NEO1: variants seen among roughly 807,000 people sequenced by gnomAD.
NEO1 encodes neogenin.
Under a neutral mutation model 159.7 loss-of-function variants are expected in NEO1, and 63 were observed. That is an observed-to-expected ratio of 0.39 (90% CI 0.32 to 0.49). The LOEUF is 0.49. NEO1 is among the 20% of genes least tolerant of loss of function. NEO1 has a pLI of 0.85. For missense variants in NEO1, 1,615 were observed against 1,831.0 expected, an observed-to-expected ratio of 0.88 and a Z score of 2.15; for synonymous variants, 633 against 662.0, an observed-to-expected ratio of 0.96 and a Z score of 0.67.
At chr15:73,209,958 G>A (rs1024754780) in intron 7 of NEO1, among the ~76,000 whole-genome samples, 3 of 152,004 alleles carry the variant, frequency 2.0e-5, no homozygotes, top group South Asian at 2.1e-4. Flanking sequence ...AGCCGAGATC[G>A]CACCATTGCA....
At chr15:73,235,258 C>T (rs1028862249) in intron 7 of NEO1, among the ~76,000 whole-genome samples, 1 of 152,196 alleles carries the variant, frequency 6.6e-6, no homozygotes, top group African/African-American at 2.4e-5. Flanking sequence ...CTCTACATCT[C>T]TCCTACTAAT....
chr15:73,115,114 C>T (rs1286487658), intron 1 of NEO1, among the ~76,000 whole-genome samples: 2 of 151,936 alleles, frequency 1.3e-5, no homozygotes, highest in East Asian at 1.9e-4. Context: ...GTAATCTCGG[C>T]TCACTGCAAC....
chr15:73,267,381 T>A (rs1202822278), intron 16 of NEO1, among the ~76,000 whole-genome samples: 1 of 152,234 alleles, frequency 6.6e-6, no homozygotes, highest in Non-Finnish European at 1.5e-5. Context: ...GTTAGAGTTA[T>A]AAATTTTTTT....
At chr15:73,298,293 CTG>C in intron 26 of NEO1, 53 bp from the exon 27 acceptor site, 2 of 1,602,274 alleles carry the variant, frequency 1.2e-6, no homozygotes, top group South Asian at 2.2e-5. Flanking sequence ...AACTGTGGGA[CTG>C]TCACATATTT....
At chr15:73,253,541 C>A in intron 12 of NEO1, 92 bp downstream of exon 12, 4 of 812,392 alleles carry the variant, frequency 4.9e-6, no homozygotes, top group Non-Finnish European at 5.7e-6. Flanking sequence ...AGGAAAGCAT[C>A]AAAATAAATG....
chr15:73,133,690 T>C (rs1386705578), intron 4 of NEO1, among the ~76,000 whole-genome samples: 1 of 152,210 alleles, frequency 6.6e-6, no homozygotes, highest in Non-Finnish European at 1.5e-5. Context: ...ATTGGCTGTA[T>C]ATATTTTTTC....
At chr15:73,295,832 T>C (rs559405515) in intron 26 of NEO1, among the ~76,000 whole-genome samples, 2 of 152,340 alleles carry the variant, frequency 1.3e-5, no homozygotes, top group South Asian at 4.1e-4. Flanking sequence ...TCACCACCAC[T>C]TGACATTGGA....
At chr15:73,172,400 T>C in intron 5 of NEO1, among the ~76,000 whole-genome samples, 1 of 152,232 alleles carries the variant, frequency 6.6e-6, no homozygotes, top group East Asian at 1.9e-4. Context: ...AAAGCGCTTA[T>C]GAATGTTAGC....
intron 9 of NEO1, among the ~76,000 whole-genome samples, chr15:73,246,830 T>C (rs1189627321): frequency 1.3e-5 from 2 of 152,178 alleles, no homozygotes; most frequent in Non-Finnish European, 2.9e-5. Context: ...ATCAGATTGT[T>C]GAGAACCACT....
chr15:73,187,551 A>C (rs1246042877), intron 7 of NEO1, among the ~76,000 whole-genome samples: 1 of 152,226 alleles, frequency 6.6e-6, no homozygotes, highest in East Asian at 1.9e-4. Context: ...GCCAAAGAAT[A>C]GATACTTCAG....
chr15:73,228,740 CTA>C (rs1434192258), intron 7 of NEO1, among the ~76,000 whole-genome samples: 2 of 151,978 alleles, frequency 1.3e-5, no homozygotes, highest in African/African-American at 2.4e-5. Flanking sequence ...TAGATTAAGA[CTA>C]TGAGATATTT....
At chr15:73,140,694 C>G (rs995919937) in intron 5 of NEO1, among the ~76,000 whole-genome samples, 1 of 152,108 alleles carries the variant, frequency 6.6e-6, no homozygotes, top group African/African-American at 2.4e-5. Context: ...GGGAATAATT[C>G]AAATCTCCAT....
At chr15:73,143,085 G>A (rs1313215086) in intron 5 of NEO1, among the ~76,000 whole-genome samples, 2 of 152,200 alleles carry the variant, frequency 1.3e-5, no homozygotes, top group Admixed American at 6.5e-5. Flanking sequence ...GTGACAGAAC[G>A]CATTCAGTCA....
At chr15:73,095,472 G>T (rs945127938) in intron 1 of NEO1, among the ~76,000 whole-genome samples, 1 of 152,060 alleles carries the variant, frequency 6.6e-6, no homozygotes, top group Admixed American at 6.6e-5. Flanking sequence ...ATTAGGAGTT[G>T]CAAAATAGTG....
chr15:73,197,339 A>G (rs748971657), intron 7 of NEO1, among the ~76,000 whole-genome samples: 2 of 152,166 alleles, frequency 1.3e-5, no homozygotes, highest in Non-Finnish European at 2.9e-5. Context: ...AGCCTGGGTG[A>G]CAGAGCGAGA....
At chr15:73,125,577 A>G (rs560815094) in intron 3 of NEO1, among the ~76,000 whole-genome samples, 83 of 152,324 alleles carry the variant, frequency 5.4e-4, no homozygotes, top group African/African-American at 1.8e-3. Context: ...TATGGGCACA[A>G]GAGTCACATC....
At chr15:73,147,496 T>C (rs757125408) in intron 5 of NEO1, among the ~76,000 whole-genome samples, 6 of 152,172 alleles carry the variant, frequency 3.9e-5, no homozygotes, top group Non-Finnish European at 8.8e-5. Context: ...CTTTCTCACC[T>C]AAGTCTGTGC....
At chr15:73,059,420 C>A (rs960407405) in intron 1 of NEO1, among the ~76,000 whole-genome samples, 8 of 152,250 alleles carry the variant, frequency 5.3e-5, no homozygotes, top group East Asian at 1.9e-4. Context: ...AGAATCCTTA[C>A]ATTTAACTTT....
At chr15:73,214,879 A>G (rs2037786897) in intron 7 of NEO1, among the ~76,000 whole-genome samples, 1 of 152,022 alleles carries the variant, frequency 6.6e-6, no homozygotes, top group Non-Finnish European at 1.5e-5. Context: ...CACTATGATC[A>G]TTTTCACAAT....
Sources: allele counts gnomAD v4.1 joint callset (sites outside exome capture counted in the v4.1 genomes callset), GRCh38; gene constraint gnomAD v4.1.1; transcripts MANE v1.5; gene names NCBI Gene and HGNC (gene_info 2026-07-23, HGNC 2026-07-21).